MYBPC2: variants seen among roughly 807,000 people sequenced by gnomAD.
MYBPC2 encodes the protein myosin binding protein C2.
A neutral mutation model predicts 137.0 loss-of-function variants in MYBPC2; 122 were observed. That is an observed-to-expected ratio of 0.89 (90% CI 0.77 to 1.03). The LOEUF is 1.03. Ranked by LOEUF, MYBPC2 falls within the 50% of genes least tolerant of loss-of-function variation. The pLI is 0.00. For missense variants in MYBPC2, 1,500 were observed against 1,534.4 expected, an observed-to-expected ratio of 0.98 and a Z score of 0.37; for synonymous variants, 626 against 612.3, an observed-to-expected ratio of 1.02 and a Z score of -0.33.
In MYBPC2 at chr19:50,435,826, T is replaced by C. The variant is rs1355254680; in HGVS notation, c.160T>C (p.Phe54Leu). The C allele has an allele frequency of 6.2e-7, 1 of 1,609,976 alleles. No homozygotes were observed. The highest frequency in any genetic ancestry group is 1.7e-5 in the Admixed American group (1 of 59,612). The part of the protein sequence containing the change: ...SPTAEEPTGV[F>L]LKKPDSVSVE... The stretch of plus-strand genomic sequence containing the variant: ...GACTGCAGAGGAGCCCACCGGCGTT[T>C]TCCTGAAGAAGCCGGACTCCGTCTC... Residue 54 changes from phenylalanine to leucine, a missense_variant, in exon 3 of 28, where the codon TTC becomes CTC. Phe to Leu is a conservative substitution (Grantham distance 22). Coordinates refer to ENST00000357701, the MANE Select transcript of MYBPC2 (RefSeq NM_004533.4). This position sits in a 1 kb window ranked among gnomAD's most constrained non-coding sequence, Gnocchi z 4.8.
At chr19:50,451,798 CT>C (rs1357611507) in intron 15 of MYBPC2, 65 bp from the exon 16 acceptor site, 16 of 1,549,258 alleles carry the variant, frequency 1.0e-5, no homozygotes, top group African/African-American at 1.4e-5. Flanking sequence ...TGGAGATTCT[CT>C]TGTGGGAACT....
At chr19:50,442,752 T>C (rs2039767907) in intron 9 of MYBPC2, among the ~76,000 whole-genome samples, 1 of 151,530 alleles carries the variant, frequency 6.6e-6, no homozygotes, top group Non-Finnish European at 1.5e-5. Flanking sequence ...AACAAACACA[T>C]CACAAGACAA....
At position 50,454,191 on chromosome 19, in the gene MYBPC2, A is replaced by T; in HGVS notation, c.1909+12A>T. On this transcript the variant is annotated intron_variant, in intron 17 of 27. Transcript: ENST00000357701. ...CCTGCAAGTTGTAGGTGAGCAGAGA[A>T]AGCCGAGGTGGCTGGGCCAAGGGGT... 1.2e-6 allele frequency: 2 copies of T among 1,613,878 alleles called. No individual in the cohort carries two copies. The highest frequency in any genetic ancestry group is 2.7e-5 in the African/African-American group (2 of 75,036).
chr19:50,461,730 C>A, intron 25 of MYBPC2, 29 bp downstream of exon 25: 1 of 1,611,684 alleles, frequency 6.2e-7, no homozygotes. Context: ...ACAGCCCAGG[C>A]CCACCCCGTC....
At chr19:50,459,364 G>T in intron 23 of MYBPC2, 58 bp downstream of exon 23, 1 of 1,533,630 alleles carries the variant, frequency 6.5e-7, no homozygotes, top group Non-Finnish European at 8.8e-7. Context: ...GGCAGCGATG[G>T]GGGAGGAGGT....
At chr19:50,443,312 G>T (rs1051537284) in intron 9 of MYBPC2, among the ~76,000 whole-genome samples, 182 bp from the exon 10 acceptor site, 3 of 152,034 alleles carry the variant, frequency 2.0e-5, no homozygotes, top group Non-Finnish European at 2.9e-5. Context: ...GACAGAGTGA[G>T]ACCCTGTCTC....
chr19:50,459,645 G>T (rs1461857419), intron 23 of MYBPC2, among the ~76,000 whole-genome samples: 1 of 110,128 alleles, frequency 9.1e-6, no homozygotes, highest in African/African-American at 3.7e-5. Context: ...GGGAGAGGAG[G>T]TGAGAGATGA....
intron 7 of MYBPC2, 61 bp from the exon 8 acceptor site, chr19:50,440,819 C>G (rs1452147759): frequency 6.7e-7 from 1 of 1,498,474 alleles, no homozygotes; most frequent in Non-Finnish European, 9.0e-7. Flanking sequence ...GTGAAGAAGG[C>G]AGAGGGACAT....
intron 16 of MYBPC2, 39 bp downstream of exon 16, chr19:50,452,042 G>A (rs533561601): frequency 4.9e-5 from 76 of 1,535,840 alleles, no homozygotes; most frequent in Non-Finnish European, 6.2e-5. Flanking sequence ...CTCCCTTTCC[G>A]TTTAGGCAAG....
Position 50,435,982 on chromosome 19 carries a change from C to A in MYBPC2, c.197-30C>A. 6.4e-7 allele frequency: 1 copy of A among 1,561,876 alleles called. No homozygotes were observed. Among genetic ancestry groups the A allele is most frequent in the South Asian group, 1.2e-5 (1 of 84,694 alleles). On this transcript the variant is annotated intron_variant, in intron 3 of 27. Transcript: ENST00000357701. The surrounding 1 kb of genome is among the most constrained non-coding windows in gnomAD (Gnocchi z 4.8). The stretch of plus-strand genomic sequence containing the variant: ...CTTATGTTCCTTCCTGGGCCTCCTC[C>A]CACTCTACCCTGTCACTCACCCCAT...
chr19:50,454,687 A>G (rs2039892636), intron 18 of MYBPC2, among the ~76,000 whole-genome samples: 2 of 151,760 alleles, frequency 1.3e-5, no homozygotes, highest in Non-Finnish European at 1.5e-5. Flanking sequence ...CAGACTCCCA[A>G]AGTGCTGGGA....
intron 26 of MYBPC2, 42 bp from the exon 27 acceptor site, chr19:50,464,304 G>GTC (rs768284920): frequency 1.3e-6 from 2 of 1,539,736 alleles, no homozygotes; most frequent in Admixed American, 3.9e-5. Context: ...ATTGCCCAGG[G>GTC]TCTCTCTCTA....
At chr19:50,457,955 C>T (rs1226975865) in intron 20 of MYBPC2, among the ~76,000 whole-genome samples, 2 of 151,520 alleles carry the variant, frequency 1.3e-5, no homozygotes, top group Non-Finnish European at 2.9e-5. Context: ...GCTGGGATTA[C>T]AAGCATGAGC....
At chr19:50,449,225 C>T (rs2039834574) in intron 13 of MYBPC2, among the ~76,000 whole-genome samples, 2 of 152,250 alleles carry the variant, frequency 1.3e-5, no homozygotes, top group Middle Eastern at 3.4e-3. Context: ...TCATCTTGAG[C>T]GTGCAGGTTG....
chr19:50,449,611 G>A (rs1212146801), intron 13 of MYBPC2, among the ~76,000 whole-genome samples: 2 of 152,220 alleles, frequency 1.3e-5, no homozygotes, highest in Admixed American at 6.5e-5. Context: ...CATGGACACC[G>A]GCAGGGAAAA....
At chr19:50,438,669 C>A (rs377636969) in intron 7 of MYBPC2, among the ~76,000 whole-genome samples, 3 of 152,006 alleles carry the variant, frequency 2.0e-5, no homozygotes, top group East Asian at 3.9e-4. Flanking sequence ...AGTGTAAGAC[C>A]AGCCTGGGCC....
intron 20 of MYBPC2, among the ~76,000 whole-genome samples, chr19:50,456,433 C>G (rs4802707): frequency 7.6e-5 from 3 of 39,452 alleles, no homozygotes; most frequent in African/African-American, 4.3e-4. Flanking sequence ...TTCTCTCTCT[C>G]TCTTTTTTTT....
intron 8 of MYBPC2, among the ~76,000 whole-genome samples, 159 bp from the exon 9 acceptor site, chr19:50,442,019 GAGA>G (rs2039760612): frequency 1.3e-5 from 2 of 152,134 alleles, no homozygotes; most frequent in South Asian, 4.1e-4. Context: ...ATCACCACCA[GAGA>G]AGTTCTCAAG....
At chr19:50,456,082 G>GTCCGTCCATCCATCCA (rs2039908175) in intron 20 of MYBPC2, among the ~76,000 whole-genome samples, 2 of 127,732 alleles carry the variant, frequency 1.6e-5, no homozygotes, top group East Asian at 5.1e-4. Flanking sequence ...TCATCTTACC[G>GTCCGTCCATCCATCCA]TCCATCCATC....
Sources: allele counts gnomAD v4.1 joint callset (sites outside exome capture counted in the v4.1 genomes callset), GRCh38; gene constraint gnomAD v4.1.1; non-coding constraint Gnocchi (gnomAD v3.1); transcripts MANE v1.5; gene names NCBI Gene and HGNC (gene_info 2026-07-23, HGNC 2026-07-21).